The following XRN2 variants were observed in gnomAD, a reference collection of about 807,000 sequenced individuals.
XRN2 encodes the protein DHM1-like protein.
In XRN2, 44 loss-of-function variants were observed where a neutral mutation model predicts 138.5. The ratio of observed to expected loss-of-function variants is 0.32; its 90% CI spans 0.25 to 0.41. XRN2 has a LOEUF of 0.41. Ranked by LOEUF, XRN2 falls within the 10% of genes least tolerant of loss-of-function variation. The probability of loss-of-function intolerance (pLI) is 1.00; values close to 1 mark genes in which losing one functional copy is unlikely to be tolerated. For missense variants in XRN2, 937 were observed against 1,169.3 expected, an observed-to-expected ratio of 0.80 and a Z score of 2.90; for synonymous variants, 354 against 369.4, an observed-to-expected ratio of 0.96 and a Z score of 0.48.
intron 26 of XRN2, among the ~76,000 whole-genome samples, chr20:21,368,019 TAGTAA>T (rs2038722042): frequency 1.3e-5 from 2 of 152,270 alleles, no homozygotes; most frequent in South Asian, 2.1e-4. Context: ...GACATCAACA[TAGTAA>T]AGTATTCTAT....
At chr20:21,341,947 A>G (rs937635737) in intron 15 of XRN2, among the ~76,000 whole-genome samples, 1 of 152,068 alleles carries the variant, frequency 6.6e-6, no homozygotes, top group South Asian at 2.1e-4. Context: ...GCCCGGTAGT[A>G]TTAGGCCACA....
At position 21,354,654 on chromosome 20, in the gene XRN2, CA is replaced by C. The variant is rs2038554313; in HGVS notation, c.1937-133del. On this transcript the variant is annotated intron_variant, in intron 20 of 29. Coordinates refer to ENST00000377191, the MANE Select transcript of XRN2 (RefSeq NM_012255.5). ...GCATCTGAGTTTTGGCTTAATGAGACAATAAGAGTTCAGTTCCAAAATGTTT... is the reference window on the plus strand; with the variant it reads ...GCATCTGAGTTTTGGCTTAATGAGACATAAGAGTTCAGTTCCAAAATGTTT... 42 of 728,284 alleles carry C rather than the reference CA, an allele frequency of 5.8e-5. 1 individual carries two copies. The South Asian group carries it at 8.1e-4, about 14-fold the overall frequency. The allele number at this position is 728,284 out of a possible 1,614,324, so 45.1% of individuals were successfully genotyped here.
chr20:21,375,342 A>G (rs1218468537), intron 27 of XRN2, among the ~76,000 whole-genome samples: 1 of 150,620 alleles, frequency 6.6e-6, no homozygotes, highest in African/African-American at 2.4e-5. Context: ...ATTCTCTTCT[A>G]CTTTTTTGGG....
chr20:21,363,486 G>GC, intron 24 of XRN2, among the ~76,000 whole-genome samples: 2 of 152,226 alleles, frequency 1.3e-5, no homozygotes, highest in Middle Eastern at 3.4e-3. Flanking sequence ...CTTTATCACT[G>GC]CCTGTCCTAC....
chr20:21,325,398 AT>A (rs1238189096), intron 1 of XRN2, among the ~76,000 whole-genome samples: 1 of 152,256 alleles, frequency 6.6e-6, no homozygotes, highest in African/African-American at 2.4e-5. Flanking sequence ...GCTGGGGTAG[AT>A]TGACTAACTG....
chr20:21,324,047 T>C (rs1367663340), intron 1 of XRN2, among the ~76,000 whole-genome samples: 1 of 151,918 alleles, frequency 6.6e-6, no homozygotes, highest in Admixed American at 6.6e-5. Context: ...GACTTTGGGG[T>C]GTAGAGGTTA....
chr20:21,342,750 CAG>C (rs2038388213), intron 15 of XRN2, among the ~76,000 whole-genome samples: 1 of 152,168 alleles, frequency 6.6e-6, no homozygotes, highest in African/African-American at 2.4e-5. Context: ...TGTAAGGAAA[CAG>C]AACGTTATCA....
intron 26 of XRN2, among the ~76,000 whole-genome samples, chr20:21,366,171 T>G (rs1243641077): frequency 9.7e-6 from 1 of 103,000 alleles, no homozygotes; most frequent in Non-Finnish European, 1.9e-5. Context: ...GTTTATATAA[T>G]ATATATAAAT....
chr20:21,363,580 C>G (rs1053593258), intron 24 of XRN2, among the ~76,000 whole-genome samples: 1 of 152,106 alleles, frequency 6.6e-6, no homozygotes, highest in Non-Finnish European at 1.5e-5. Flanking sequence ...GTAAGAAGAA[C>G]TAGTTGAGTA....
Position 21,332,309 on chromosome 20 carries a change from A to G in XRN2, c.727A>G (p.Thr243Ala), listed in dbSNP as rs1260856672. The change falls in exon 9 of 30, where the codon ACA becomes GCA. Residue 243 changes from threonine to alanine, a missense_variant. Coordinates refer to ENST00000377191, the MANE Select transcript of XRN2 (RefSeq NM_012255.5). ...DADLIMLGLA[T>A]HEPNFTIIRE... ...TGATCTCATTATGCTTGGCCTTGCC[A>G]CACATGAACCGAACTTTACCATTAT... is the stretch of plus-strand genomic sequence containing the variant. 3 of 1,613,198 alleles carry G rather than the reference A, an allele frequency of 1.9e-6. No individual in the cohort carries two copies. The highest frequency in any genetic ancestry group is 2.5e-6 in the Non-Finnish European group (3 of 1,179,620).
At chr20:21,376,740 G>A (rs954203047) in intron 27 of XRN2, among the ~76,000 whole-genome samples, 1 of 152,174 alleles carries the variant, frequency 6.6e-6, no homozygotes, top group African/African-American at 2.4e-5. Context: ...AGTCCTGTGC[G>A]TTCACTGTGA....
chr20:21,316,805 A>G (rs1289384531), intron 1 of XRN2, among the ~76,000 whole-genome samples: 5 of 152,188 alleles, frequency 3.3e-5, no homozygotes, highest in Non-Finnish European at 7.4e-5. Flanking sequence ...ATTTCTGTCA[A>G]CAGTGTTTTG....
At chr20:21,334,449 C>T (rs919484383) in intron 13 of XRN2, among the ~76,000 whole-genome samples, 17 of 152,130 alleles carry the variant, frequency 1.1e-4, no homozygotes, top group African/African-American at 4.1e-4. Context: ...AAACACATTT[C>T]TAATCAATAG....
chr20:21,303,558 C>G, intron 1 of XRN2, 85 bp downstream of exon 1: 1 of 1,423,942 alleles, frequency 7.0e-7, no homozygotes, highest in Middle Eastern at 2.6e-4. Context: ...GCCGCCTGCC[C>G]CCGGGGAGCC....
intron 24 of XRN2, among the ~76,000 whole-genome samples, chr20:21,363,236 A>G (rs1282646471): frequency 2.6e-5 from 4 of 151,932 alleles, no homozygotes; most frequent in African/African-American, 7.3e-5. Flanking sequence ...TATTTCCCTT[A>G]TTAGAAGGGG....
chr20:21,348,050 A>G, intron 17 of XRN2, 96 bp from the exon 18 acceptor site: 1 of 978,882 alleles, frequency 1.0e-6, no homozygotes, highest in Non-Finnish European at 1.5e-6. Context: ...TATAAGTAGA[A>G]TATTATAGGT....
In XRN2 at chr20:21,303,483, C is replaced by A; in HGVS notation, c.75+10C>A. ...CTGCGTGGAAGAGAAGGTGAGGAGG[C>A]GCCAGGCGGCCGCCACACTCGAGCC... On this transcript the variant is annotated intron_variant, in intron 1 of 29. Transcript: ENST00000377191. 6.5e-7 allele frequency: 1 copy of A among 1,537,086 alleles called. No individual in the cohort carries two copies. The highest frequency in any genetic ancestry group is 8.7e-7 in the Non-Finnish European group (1 of 1,143,086).
At chr20:21,303,724 C>G in intron 1 of XRN2, 3 of 1,239,274 alleles carry the variant, frequency 2.4e-6, no homozygotes, top group Non-Finnish European at 3.0e-6. Context: ...AGGAGGGTCG[C>G]TCCTCCCCTA....
chr20:21,325,646 C>G, intron 1 of XRN2, among the ~76,000 whole-genome samples: 1 of 152,224 alleles, frequency 6.6e-6, no homozygotes, highest in Middle Eastern at 3.4e-3. Flanking sequence ...CAGGAACTTA[C>G]AAGAGAGTGA....
Sources: allele counts gnomAD v4.1 joint callset (sites outside exome capture counted in the v4.1 genomes callset), GRCh38; gene constraint gnomAD v4.1.1; transcripts MANE v1.5; gene names NCBI Gene and HGNC (gene_info 2026-07-23, HGNC 2026-07-21).